KIF1B: variants seen among roughly 807,000 people sequenced by gnomAD.
The protein encoded by KIF1B is kinesin family member 1B, also known as kinesin-like protein KIF1B.
KIF1B carries 76 observed loss-of-function variants against 241.9 expected under a neutral mutation model. The observed-to-expected ratio is 0.31, with a 90% CI of 0.26 to 0.38. The LOEUF is 0.38. Among genes scored for constraint, KIF1B ranks in the 10% least tolerant of loss-of-function variants. The probability of loss-of-function intolerance (pLI) is 1.00; values close to 1 mark genes in which losing one functional copy is unlikely to be tolerated. For synonymous variants in KIF1B, 750 were observed against 796.7 expected (o/e 0.94, Z 0.99); for missense variants, 1,622 against 2,271.4 (o/e 0.71, Z 5.81).
intron 27 of KIF1B, among the ~76,000 whole-genome samples, chr1:10,331,343 G>A (rs951579725): frequency 2.6e-5 from 4 of 152,138 alleles, no homozygotes; most frequent in Admixed American, 6.5e-5. Flanking sequence ...TTGTTTGAGG[G>A]TCTTGTTTAG....
intron 15 of KIF1B, among the ~76,000 whole-genome samples, chr1:10,284,161 C>T (rs1439694888): frequency 1.3e-5 from 2 of 151,004 alleles, no homozygotes. Context: ...ATCATTTTAG[C>T]TCAGGAGTTT....
chr1:10,260,845 C>G (rs1431107264), intron 4 of KIF1B, among the ~76,000 whole-genome samples: 3 of 145,740 alleles, frequency 2.1e-5, no homozygotes, highest in African/African-American at 7.6e-5. Context: ...CTAGCATGAG[C>G]AACAAGAGTG....
At chr1:10,284,928 G>A (rs1248958169) in intron 15 of KIF1B, among the ~76,000 whole-genome samples, 1 of 152,124 alleles carries the variant, frequency 6.6e-6, no homozygotes, top group East Asian at 1.9e-4. Flanking sequence ...TGGAAAGTGA[G>A]TGAAGTTCTG....
chr1:10,219,188 G>A (rs1412934340), intron 1 of KIF1B, among the ~76,000 whole-genome samples: 5 of 152,124 alleles, frequency 3.3e-5, no homozygotes, highest in East Asian at 1.9e-4. Context: ...ACGGCCGGGC[G>A]CGGTGGCTCA....
At chr1:10,297,676 G>A (rs1039075583) in intron 22 of KIF1B, among the ~76,000 whole-genome samples, 5 of 151,888 alleles carry the variant, frequency 3.3e-5, no homozygotes, top group African/African-American at 1.2e-4. Context: ...GGCTGACTTT[G>A]GGATTGTTCT....
chr1:10,291,028 G>T (rs1299581208), intron 15 of KIF1B, 54 bp from the exon 16 acceptor site: 1 of 1,363,698 alleles, frequency 7.3e-7, no homozygotes, highest in East Asian at 2.3e-5. Flanking sequence ...TTCTAGCATG[G>T]TATGTTAAAT....
chr1:10,333,769 G>A (rs548692778), intron 27 of KIF1B, among the ~76,000 whole-genome samples: 1 of 152,176 alleles, frequency 6.6e-6, no homozygotes, highest in South Asian at 2.1e-4. Context: ...ACTGTATTTC[G>A]TCCCATTTCC....
At chr1:10,305,371 G>C (rs937132036) in intron 22 of KIF1B, 2 of 1,051,690 alleles carry the variant, frequency 1.9e-6, no homozygotes, top group Non-Finnish European at 2.3e-6. Flanking sequence ...CTGGGATTCT[G>C]TTTGTGGTTT....
intron 2 of KIF1B, among the ~76,000 whole-genome samples, chr1:10,254,798 ACCTG>A (rs1647672780): frequency 6.8e-6 from 1 of 146,550 alleles, no homozygotes; most frequent in Non-Finnish European, 1.5e-5. Flanking sequence ...AATGGCGTGA[ACCTG>A]GGAGGTGGAG....
intron 35 of KIF1B, 40 bp from the exon 36 acceptor site, chr1:10,347,721 A>G (rs760491576): frequency 6.5e-7 from 1 of 1,537,428 alleles, no homozygotes; most frequent in South Asian, 1.1e-5. Flanking sequence ...TTGCAGATGA[A>G]GTAGCACTTA....
chr1:10,347,639 T>C, intron 35 of KIF1B, 122 bp from the exon 36 acceptor site: 1 of 795,842 alleles, frequency 1.3e-6, no homozygotes, highest in Non-Finnish European at 2.2e-6. Context: ...GACTGTATGA[T>C]TAAATGCCAG....
Position 10,365,603 on chromosome 1 carries a change from A to C in KIF1B, c.4707A>C (p.Gly1569=). Residue 1569 remains glycine (G), a synonymous_variant, in exon 43 of 49, where the codon GGA becomes GGC. Transcript: ENST00000676179. This position sits in a 1 kb window ranked among gnomAD's most constrained non-coding sequence, Gnocchi z 4.0. ...GCGAGAGCAGTGGCTATGATTCAGG[A>C]GACATCGAAAGCCTGGTGGACCGAG... ...TPSESSGYDS[G]DIESLVDREK... 2 of 1,614,160 alleles carry C rather than the reference A, an allele frequency of 1.2e-6. No homozygotes were observed. Among genetic ancestry groups the C allele is most frequent in the Non-Finnish European group, 1.7e-6 (2 of 1,180,028 alleles).
At chr1:10,232,894 A>C (rs1462150782) in intron 2 of KIF1B, among the ~76,000 whole-genome samples, 1 of 152,224 alleles carries the variant, frequency 6.6e-6, no homozygotes, top group Admixed American at 6.5e-5. Context: ...ATACATTATT[A>C]CTAAAGTTAT....
chr1:10,305,871 T>C, intron 22 of KIF1B: 1 of 1,052,734 alleles, frequency 9.5e-7, no homozygotes, highest in East Asian at 5.4e-5. Flanking sequence ...TAAGAGGCAG[T>C]GTGAAGAGCC....
intron 28 of KIF1B, 146 bp from the exon 29 acceptor site, chr1:10,336,509 TAG>T: frequency 1.4e-6 from 1 of 729,130 alleles, no homozygotes; most frequent in Non-Finnish European, 2.5e-6. Context: ...TCTACATGAA[TAG>T]AGTGCGAAGC....
intron 27 of KIF1B, among the ~76,000 whole-genome samples, chr1:10,329,688 G>A (rs565420437): frequency 8.5e-5 from 13 of 152,224 alleles, no homozygotes; most frequent in East Asian, 3.9e-4. Flanking sequence ...AGCCGAGATC[G>A]CGCCACTGCA....
At chr1:10,305,416 T>C (rs1650780562) in intron 22 of KIF1B, 1 of 1,054,916 alleles carries the variant, frequency 9.5e-7, no homozygotes, top group African/African-American at 1.7e-5. Context: ...TTGACACACA[T>C]GCACACAAAG....
intron 12 of KIF1B, among the ~76,000 whole-genome samples, 159 bp from the exon 13 acceptor site, chr1:10,277,827 A>T (rs981597060): frequency 6.6e-6 from 1 of 152,220 alleles, no homozygotes; most frequent in Non-Finnish European, 1.5e-5. Flanking sequence ...CTTTTTCTTC[A>T]TCTTTAATAG....
intron 22 of KIF1B, chr1:10,306,484 G>A: frequency 2.1e-6 from 2 of 931,950 alleles, no homozygotes; most frequent in South Asian, 5.1e-5. Flanking sequence ...GGTGGCACAT[G>A]CGTACAGCCC....
Sources: allele counts gnomAD v4.1 joint callset (sites outside exome capture counted in the v4.1 genomes callset), GRCh38; gene constraint gnomAD v4.1.1; non-coding constraint Gnocchi (gnomAD v3.1); transcripts MANE v1.5; gene names NCBI Gene and HGNC (gene_info 2026-07-23, HGNC 2026-07-21).